PLA2G4A: variants seen among roughly 807,000 people sequenced by gnomAD.
PLA2G4A encodes the protein cytosolic phospholipase A2.
A neutral mutation model predicts 81.9 loss-of-function variants in PLA2G4A; 40 were observed. That is an observed-to-expected ratio of 0.49 (90% CI 0.38 to 0.64). The LOEUF (loss-of-function observed/expected upper bound fraction) is 0.64. Among genes scored for constraint, PLA2G4A ranks in the 30% least tolerant of loss-of-function variants. The probability of loss-of-function intolerance (pLI) is 0.00; values close to 1 mark genes in which losing one functional copy is unlikely to be tolerated. For synonymous variants in PLA2G4A, 302 were observed against 296.9 expected, an observed-to-expected ratio of 1.02 and a Z score of -0.18; for missense variants, 715 against 905.1, an observed-to-expected ratio of 0.79 and a Z score of 2.69.
chr1:186,957,473 T>C (rs1656794987), intron 14 of PLA2G4A, among the ~76,000 whole-genome samples: 1 of 152,224 alleles, frequency 6.6e-6, no homozygotes, highest in Admixed American at 6.5e-5. Flanking sequence ...GTAGCTTCTG[T>C]CTCATTTTCT....
At chr1:186,959,714 A>G (rs1222593420) in intron 14 of PLA2G4A, among the ~76,000 whole-genome samples, 1 of 152,148 alleles carries the variant, frequency 6.6e-6, no homozygotes. Flanking sequence ...GGTTGTTTCC[A>G]ATTTTTAGAA....
chr1:186,941,325 T>C lies in PLA2G4A; in HGVS notation c.1033+1231T>C, dbSNP rs1656147608. Among the ~76,000 whole-genome samples, 5 of 152,176 alleles carry C rather than the reference T, an allele frequency of 3.3e-5. No individual in the cohort carries two copies. In the South Asian group the frequency reaches 1.0e-3, roughly 32 times the overall value. On this transcript the variant is annotated intron_variant, in intron 10 of 17. Coordinates refer to ENST00000367466, the MANE Select transcript of PLA2G4A (RefSeq NM_024420.3). ...ATATATATCCAGAATCCTTTTGTAATTTTCACTTTTCTCTCAACTGCCTCT... is the reference window on the plus strand; with the variant it reads ...ATATATATCCAGAATCCTTTTGTAACTTTCACTTTTCTCTCAACTGCCTCT...
At chr1:186,935,195 T>C (rs1655896795) in intron 8 of PLA2G4A, among the ~76,000 whole-genome samples, 1 of 151,968 alleles carries the variant, frequency 6.6e-6, no homozygotes, top group Admixed American at 6.6e-5. Context: ...GTTTGGTTAG[T>C]GGTTTTAGCA....
At chr1:186,882,401 C>T (rs1653766270) in intron 3 of PLA2G4A, among the ~76,000 whole-genome samples, 1 of 152,158 alleles carries the variant, frequency 6.6e-6, no homozygotes, top group African/African-American at 2.4e-5. Flanking sequence ...TAAACTTTAG[C>T]TATCAGCTAA....
At chr1:186,830,972 TTC>T (rs1172600604) in intron 1 of PLA2G4A, among the ~76,000 whole-genome samples, 2 of 126,590 alleles carry the variant, frequency 1.6e-5, no homozygotes, top group African/African-American at 6.7e-5. Context: ...CTTTCTTTCT[TTC>T]TTTCTTTCTT....
chr1:186,907,078 T>C, intron 6 of PLA2G4A, 76 bp downstream of exon 6: 1 of 802,696 alleles, frequency 1.2e-6, no homozygotes, highest in African/African-American at 1.7e-5. Context: ...AAAGAATTTT[T>C]TTATATATAA....
intron 7 of PLA2G4A, among the ~76,000 whole-genome samples, chr1:186,914,474 C>T (rs901986628): frequency 3.3e-5 from 5 of 152,024 alleles, no homozygotes; most frequent in South Asian, 2.1e-4. Context: ...TCTCAAGAGC[C>T]GAGCTCCCTG....
At chr1:186,862,748 A>G (rs1469690681) in intron 2 of PLA2G4A, among the ~76,000 whole-genome samples, 1 of 152,194 alleles carries the variant, frequency 6.6e-6, no homozygotes, top group Admixed American at 6.5e-5. Context: ...CCAAATAAAT[A>G]TGACTTCCCC....
intron 1 of PLA2G4A, among the ~76,000 whole-genome samples, chr1:186,840,523 T>A (rs1330399184): frequency 6.6e-6 from 1 of 152,208 alleles, no homozygotes; most frequent in Non-Finnish European, 1.5e-5. Flanking sequence ...GAAGCAGGTG[T>A]ACACCCTTCT....
At chr1:186,934,928 T>A (rs1655887349) in intron 8 of PLA2G4A, among the ~76,000 whole-genome samples, 1 of 152,036 alleles carries the variant, frequency 6.6e-6, no homozygotes, top group African/African-American at 2.4e-5. Flanking sequence ...TGGTCCATTA[T>A]ATCCATATGT....
chr1:186,920,344 C>A (rs1174812159), intron 7 of PLA2G4A, among the ~76,000 whole-genome samples: 1 of 152,174 alleles, frequency 6.6e-6, no homozygotes, highest in African/African-American at 2.4e-5. Flanking sequence ...CCCCACCGAG[C>A]AGGTCCGTGG....
At chr1:186,854,238 A>T (rs889153511) in intron 1 of PLA2G4A, 48 bp from the exon 2 acceptor site, 2 of 718,824 alleles carry the variant, frequency 2.8e-6, no homozygotes, top group Non-Finnish European at 5.1e-6. Flanking sequence ...TAAATCTTAG[A>T]ACTGCATCCA....
intron 5 of PLA2G4A, among the ~76,000 whole-genome samples, chr1:186,894,943 T>G (rs185218742): frequency 6.6e-6 from 1 of 152,262 alleles, no homozygotes; most frequent in East Asian, 1.9e-4. Flanking sequence ...CATACTAATT[T>G]CTTGTTGTTG....
At chr1:186,926,391 CT>C in intron 7 of PLA2G4A, among the ~76,000 whole-genome samples, 1 of 152,212 alleles carries the variant, frequency 6.6e-6, no homozygotes, top group South Asian at 2.1e-4. Context: ...TTTGTTGTTG[CT>C]TTTTTTGGTT....
chr1:186,890,934 C>T (rs1654115185), intron 3 of PLA2G4A, among the ~76,000 whole-genome samples: 1 of 151,284 alleles, frequency 6.6e-6, no homozygotes, highest in Admixed American at 6.6e-5. Context: ...ATAATAAATA[C>T]ATGTTGATTT....
intron 15 of PLA2G4A, among the ~76,000 whole-genome samples, chr1:186,973,384 A>G (rs950914028): frequency 1.3e-5 from 2 of 152,124 alleles, no homozygotes; most frequent in African/African-American, 4.8e-5. Flanking sequence ...AATAATTGTC[A>G]TTGAATTTAG....
At chr1:186,917,878 C>T (rs987419970) in intron 7 of PLA2G4A, among the ~76,000 whole-genome samples, 3 of 152,334 alleles carry the variant, frequency 2.0e-5, no homozygotes, top group Non-Finnish European at 2.9e-5. Context: ...ATTGTGCTGT[C>T]GGCATGTAAT....
At chr1:186,979,181 A>G in intron 16 of PLA2G4A, 134 bp from the exon 17 acceptor site, 1 of 707,860 alleles carries the variant, frequency 1.4e-6, no homozygotes, top group South Asian at 1.5e-5. Flanking sequence ...GATAAAAGTC[A>G]GAGATGCTAC....
intron 7 of PLA2G4A, among the ~76,000 whole-genome samples, chr1:186,914,442 G>A (rs748542045): frequency 5.4e-5 from 8 of 148,692 alleles, no homozygotes; most frequent in Non-Finnish European, 7.4e-5. Flanking sequence ...TTGTTTGGCC[G>A]GGAGCATCGG....
Sources: allele counts gnomAD v4.1 joint callset (sites outside exome capture counted in the v4.1 genomes callset), GRCh38; gene constraint gnomAD v4.1.1; transcripts MANE v1.5; gene names NCBI Gene and HGNC (gene_info 2026-07-23, HGNC 2026-07-21).